The following DPP10 variants were observed in gnomAD, a reference collection of about 807,000 sequenced individuals.
The protein encoded by DPP10 is inactive dipeptidyl peptidase 10.
DPP10 carries 33 observed loss-of-function variants against 120.9 expected under a neutral mutation model. The ratio of observed to expected loss-of-function variants is 0.27; its 90% confidence interval spans 0.21 to 0.37. The LOEUF (loss-of-function observed/expected upper bound fraction) is 0.37, where lower values mean the gene tolerates loss of function less well. Among genes scored for constraint, DPP10 ranks in the 10% least tolerant of loss-of-function variants. DPP10 has a pLI of 1.00. For synonymous variants in DPP10, 337 were observed against 326.1 expected (o/e 1.03, Z -0.36); for missense variants, 816 against 942.8 (o/e 0.87, Z 1.76).
intron 1 of DPP10, among the ~76,000 whole-genome samples, chr2:114,851,738 T>C (rs1275156869): frequency 6.6e-6 from 1 of 152,172 alleles, no homozygotes; most frequent in African/African-American, 2.4e-5. Context: ...TTTTCAATCA[T>C]GTAGGTCATG....
chr2:114,552,631 C>T (rs537244006), intron 1 of DPP10, among the ~76,000 whole-genome samples: 5 of 152,114 alleles, frequency 3.3e-5, no homozygotes, highest in South Asian at 4.2e-4. Flanking sequence ...CTGCAACCTC[C>T]GTCTCCCAGG....
At chr2:115,049,277 T>G (rs1481326075) in intron 1 of DPP10, among the ~76,000 whole-genome samples, 1 of 152,066 alleles carries the variant, frequency 6.6e-6, no homozygotes, top group Non-Finnish European at 1.5e-5. Context: ...ATTGAGCACT[T>G]AATGTATGCT....
chr2:115,106,813 C>T (rs747038036), intron 1 of DPP10, among the ~76,000 whole-genome samples: 3 of 152,104 alleles, frequency 2.0e-5, no homozygotes, highest in East Asian at 1.9e-4. Flanking sequence ...CGGTGGCTCA[C>T]GCCTGTGATC....
At chr2:115,223,997 AATTT>A (rs1212856906) in intron 1 of DPP10, among the ~76,000 whole-genome samples, 13 of 152,124 alleles carry the variant, frequency 8.5e-5, no homozygotes, top group Non-Finnish European at 1.5e-4. Flanking sequence ...ATTCAATAAA[AATTT>A]ATTTAGCCCC....
intron 19 of DPP10, among the ~76,000 whole-genome samples, chr2:115,793,506 A>G (rs532992785): frequency 6.6e-6 from 1 of 152,186 alleles, no homozygotes; most frequent in South Asian, 2.1e-4. Context: ...AAAAACTGCA[A>G]TTGCTTTTCT....
In DPP10 at chr2:115,777,312, A is replaced by G. The variant is rs1456446729; in HGVS notation, c.1313+13A>G. 6.2e-7 allele frequency: 1 copy of G among 1,606,172 alleles called. No individual in the cohort carries two copies. The highest frequency in any genetic ancestry group is 8.5e-7 in the Non-Finnish European group (1 of 1,173,394). ...CTACTCAAAAAATGTGAGTGTTTTC[A>G]GTTCTCTAGTCAGGCTGCAAGTTAG... On this transcript the variant is annotated intron_variant, in intron 14 of 25. Transcript: ENST00000410059.
chr2:114,899,542 C>T (rs1365315542), intron 1 of DPP10, among the ~76,000 whole-genome samples: 1 of 152,154 alleles, frequency 6.6e-6, no homozygotes, highest in Non-Finnish European at 1.5e-5. Context: ...CTTTTACCAC[C>T]TAACTATGCA....
intron 1 of DPP10, among the ~76,000 whole-genome samples, chr2:115,027,080 G>A (rs1703516130): frequency 6.6e-6 from 1 of 151,888 alleles, no homozygotes; most frequent in African/African-American, 2.4e-5. Context: ...TATATTCTTT[G>A]TAGATATTGT....
chr2:115,356,252 C>T (rs1196249079), intron 3 of DPP10, among the ~76,000 whole-genome samples: 2 of 152,020 alleles, frequency 1.3e-5, no homozygotes, highest in African/African-American at 2.4e-5. Context: ...TTGTACTTCC[C>T]CTTGAGGAGC....
chr2:115,299,579 A>G (rs1007385872), intron 1 of DPP10, among the ~76,000 whole-genome samples: 36 of 152,094 alleles, frequency 2.4e-4, no homozygotes, highest in Non-Finnish European at 1.3e-4. Context: ...AGATTAAAAT[A>G]TAACTAATTC....
rs574460055 is a variant in DPP10 at position 115,378,822 on chromosome 2, G to A, written c.271+34910G>A. On this transcript the variant is annotated intron_variant, in intron 3 of 25. Coordinates refer to ENST00000410059, the MANE Select transcript of DPP10 (RefSeq NM_020868.6). The stretch of plus-strand genomic sequence containing the variant: ...CTATTGAGATAATCATGTGGTTTTT[G>A]TCTTTGGTTCTGTTTATATGCTGGA... Among the ~76,000 whole-genome samples the A allele has an allele frequency of 1.2e-4, 18 of 152,208 alleles. No homozygotes were observed. In the South Asian group the frequency reaches 3.7e-3, roughly 32 times the overall value.
chr2:114,798,395 A>G (rs2106268192), intron 1 of DPP10, among the ~76,000 whole-genome samples: 1 of 152,352 alleles, frequency 6.6e-6, no homozygotes, highest in Non-Finnish European at 1.5e-5. Flanking sequence ...GTAAATCTAA[A>G]GTAATCATAC....
At chr2:114,835,172 AC>A (rs1687612587) in intron 1 of DPP10, 1 of 149,416 alleles carries the variant, frequency 6.7e-6, no homozygotes, top group Non-Finnish European at 1.5e-5. Context: ...ATATCTACAC[AC>A]CTATGTATAT....
chr2:114,731,620 T>C (rs1676922197), intron 1 of DPP10, among the ~76,000 whole-genome samples: 1 of 152,166 alleles, frequency 6.6e-6, no homozygotes, highest in East Asian at 1.9e-4. Context: ...ATGTCCAATT[T>C]ATTCCTACAA....
At chr2:114,692,170 A>G (rs1403588869) in intron 1 of DPP10, among the ~76,000 whole-genome samples, 2 of 151,794 alleles carry the variant, frequency 1.3e-5, no homozygotes, top group Non-Finnish European at 2.9e-5. Context: ...TTTAGTCGAG[A>G]TGTTAGGTTG....
At chr2:114,713,066 A>G (rs1371853782) in intron 1 of DPP10, among the ~76,000 whole-genome samples, 1 of 148,392 alleles carries the variant, frequency 6.7e-6, no homozygotes, top group Non-Finnish European at 1.5e-5. Flanking sequence ...AGCTCACTGC[A>G]ACCTCTGCCT....
At chr2:115,478,262 G>A (rs999512509) in intron 3 of DPP10, among the ~76,000 whole-genome samples, 1 of 152,180 alleles carries the variant, frequency 6.6e-6, no homozygotes, top group Admixed American at 6.5e-5. Context: ...TCTCAAATAT[G>A]TGGTTAACTT....
intron 3 of DPP10, among the ~76,000 whole-genome samples, chr2:115,419,992 G>A (rs907102761): frequency 6.6e-6 from 1 of 152,012 alleles, no homozygotes; most frequent in Non-Finnish European, 1.5e-5. Flanking sequence ...TTAACTGAGG[G>A]AAAAAATGTG....
At chr2:114,532,294 T>TATATAC (rs1686074596) in intron 1 of DPP10, among the ~76,000 whole-genome samples, 3 of 65,952 alleles carry the variant, frequency 4.5e-5, no homozygotes, top group Admixed American at 3.0e-4. Context: ...TATATATATA[T>TATATAC]ATACACACAC....
Sources: gnomAD v4.1 joint callset for allele counts (sites outside exome capture counted in the v4.1 genomes callset) on GRCh38, gnomAD v4.1.1 for gene constraint, MANE v1.5 for transcripts, NCBI Gene and HGNC (gene_info 2026-07-23, HGNC 2026-07-21) for gene names.